AGAP1: variants seen among roughly 807,000 people sequenced by gnomAD.
The protein encoded by AGAP1 is arf-GAP with GTPase, ANK repeat and PH domain-containing protein 1.
AGAP1 carries 29 observed loss-of-function variants against 105.3 expected under a neutral mutation model. The ratio of observed to expected loss-of-function variants is 0.28; its 90% CI spans 0.21 to 0.38. The LOEUF is 0.38. Among genes scored for constraint, AGAP1 ranks in the 10% least tolerant of loss-of-function variants. The probability of loss-of-function intolerance (pLI) is 1.00; values close to 1 mark genes in which losing one functional copy is unlikely to be tolerated. For missense variants in AGAP1, 998 were observed against 1,165.1 expected, an observed-to-expected ratio of 0.86 and a Z score of 2.09; for synonymous variants, 509 against 485.9, an observed-to-expected ratio of 1.05 and a Z score of -0.63.
chr2:235,821,211 T>C (rs1203982088), intron 9 of AGAP1, among the ~76,000 whole-genome samples: 5 of 152,154 alleles, frequency 3.3e-5, no homozygotes, highest in Non-Finnish European at 5.9e-5. Context: ...TACCAGGATG[T>C]ACAGCCATTA....
At chr2:236,023,709 G>C (rs556975411) in intron 13 of AGAP1, among the ~76,000 whole-genome samples, 1 of 152,088 alleles carries the variant, frequency 6.6e-6, no homozygotes, top group Non-Finnish European at 1.5e-5. Flanking sequence ...AAACATGCCC[G>C]TCCCCCAGGC....
intron 13 of AGAP1, among the ~76,000 whole-genome samples, chr2:236,019,830 T>A (rs2056831025): frequency 6.6e-6 from 1 of 152,240 alleles, no homozygotes; most frequent in Non-Finnish European, 1.5e-5. Context: ...TGTTGTGTGT[T>A]TCCTGAAGGA....
intron 10 of AGAP1, among the ~76,000 whole-genome samples, chr2:235,896,111 C>G (rs1056284342): frequency 6.6e-6 from 1 of 152,188 alleles, no homozygotes; most frequent in Admixed American, 6.5e-5. Flanking sequence ...TCCTATCCCC[C>G]CTCCACTCAG....
chr2:235,711,643 T>C lies in AGAP1; in HGVS notation c.222+2406T>C, dbSNP rs937892627. On this transcript the variant is annotated intron_variant, in intron 2 of 17. Coordinates refer to ENST00000304032, the MANE Select transcript of AGAP1 (RefSeq NM_001037131.3). ...ATCCTGGCAGGCCCACCAGCTCTGC[T>C]CTAGCCCAAGTGCCTTCTTGTTGTG... Among the ~76,000 whole-genome samples, 15 of 152,290 alleles carry C rather than the reference T, an allele frequency of 9.8e-5. No homozygotes were observed. The East Asian group carries it at 2.9e-3, about 29-fold the overall frequency.
rs1216864194 is a variant in AGAP1, at chr2:235,663,339, AT to A, written c.164-45839del. ...AAAAAGAAGGGGAGCGATCACGTGC[AT>A]CCCTCTGCTGAGATGGGAGCAGCAG... On this transcript the variant is annotated intron_variant, in intron 1 of 17. Transcript: ENST00000304032. The surrounding 1 kb of genome is among the most constrained non-coding windows in gnomAD (Gnocchi z 5.4). 6.6e-6 allele frequency among the ~76,000 whole-genome samples: 1 copy of A among 152,158 alleles called. No homozygotes were observed. The highest frequency in any genetic ancestry group is 1.9e-4 in the East Asian group (1 of 5,186).
At position 235,614,755 on chromosome 2, in the gene AGAP1, T is replaced by C. The variant is rs899851334; in HGVS notation, c.164-94424T>C. 3.3e-5 allele frequency among the ~76,000 whole-genome samples: 5 copies of C among 152,224 alleles called. No homozygotes were observed. Among genetic ancestry groups the C allele is most frequent in the Non-Finnish European group, 7.3e-5 (5 of 68,034 alleles). Reference sequence around the variant, plus strand: ...ACTCAGTATTCACCGTGAATTCTTTTGTGGGAAATAGAACACAGCGTTGGG... The same window carrying C: ...ACTCAGTATTCACCGTGAATTCTTTCGTGGGAAATAGAACACAGCGTTGGG... On this transcript the variant is annotated intron_variant, in intron 1 of 17. Coordinates refer to ENST00000304032, the MANE Select transcript of AGAP1 (RefSeq NM_001037131.3). The surrounding 1 kb of genome is among the most constrained non-coding windows in gnomAD (Gnocchi z 4.7).
chr2:235,990,481 G>A (rs920562866), intron 13 of AGAP1, among the ~76,000 whole-genome samples: 1 of 152,234 alleles, frequency 6.6e-6, no homozygotes, highest in African/African-American at 2.4e-5. Flanking sequence ...TTTGATGGTT[G>A]ATGCTGCCTG....
At chr2:235,519,454 A>T (rs1942533413) in intron 1 of AGAP1, among the ~76,000 whole-genome samples, 1 of 152,146 alleles carries the variant, frequency 6.6e-6, no homozygotes, top group Non-Finnish European at 1.5e-5. Flanking sequence ...AGAATTTGAG[A>T]CTAAGAGTAT....
At chr2:235,650,104 G>A (rs1310779733) in intron 1 of AGAP1, among the ~76,000 whole-genome samples, 1 of 152,156 alleles carries the variant, frequency 6.6e-6, no homozygotes, top group Non-Finnish European at 1.5e-5. Flanking sequence ...GCTCACGCCT[G>A]AAATCCCAGC....
At chr2:235,695,670 A>G (rs1040558268) in intron 1 of AGAP1, among the ~76,000 whole-genome samples, 3 of 152,216 alleles carry the variant, frequency 2.0e-5, no homozygotes, top group Non-Finnish European at 4.4e-5. Context: ...TCTCTTCCAC[A>G]TCTGAGCTGG....
chr2:235,534,936 A>G (rs1943161824), intron 1 of AGAP1, among the ~76,000 whole-genome samples: 1 of 152,116 alleles, frequency 6.6e-6, no homozygotes, highest in Non-Finnish European at 1.5e-5. Context: ...CATTTTCTGT[A>G]AATAGTGTCA....
At position 235,601,440 on chromosome 2, in the gene AGAP1, C is replaced by T. The variant is rs1025003936; in HGVS notation, c.163+106591C>T. On this transcript the variant is annotated intron_variant, in intron 1 of 17. Transcript: ENST00000304032. The surrounding 1 kb of genome is among the most constrained non-coding windows in gnomAD (Gnocchi z 4.4). ...AAAGGAAAGAAGTTTAACGGACTCA[C>T]AGTTCTACATGGCTGGGGAGGCCTC... Among the ~76,000 whole-genome samples the T allele has an allele frequency of 2.0e-5, 3 of 152,202 alleles. No individual in the cohort carries two copies. Among genetic ancestry groups the T allele is most frequent in the African/African-American group, 4.8e-5 (2 of 41,454 alleles).
intron 6 of AGAP1, among the ~76,000 whole-genome samples, chr2:235,768,923 C>T (rs1453200846): frequency 6.6e-6 from 1 of 152,102 alleles, no homozygotes; most frequent in East Asian, 1.9e-4. Context: ...CACCTGCTGC[C>T]GAAATACAGT....
intron 13 of AGAP1, among the ~76,000 whole-genome samples, chr2:236,022,828 G>A (rs537958797): frequency 8.9e-4 from 135 of 151,992 alleles, no homozygotes; most frequent in African/African-American, 3.0e-3. Context: ...TTGAGCTACC[G>A]CACCCGGTCA....
In AGAP1 at chr2:235,721,574, G is replaced by C. The variant is rs1366656254; in HGVS notation, c.310+3930G>C. On this transcript the variant is annotated intron_variant, in intron 3 of 17. Coordinates refer to ENST00000304032, the MANE Select transcript of AGAP1 (RefSeq NM_001037131.3). The surrounding 1 kb of genome is among the most constrained non-coding windows in gnomAD (Gnocchi z 4.5). ...CTGTAGTAACGAACTGCCACACACA[G>C]TGTGGCTTAAAACAGAAATGTATTC... Among the ~76,000 whole-genome samples the C allele has an allele frequency of 6.6e-6, 1 of 152,218 alleles. No homozygotes were observed. Among genetic ancestry groups the C allele is most frequent in the Admixed American group, 6.5e-5 (1 of 15,286 alleles).
intron 15 of AGAP1, among the ~76,000 whole-genome samples, chr2:236,047,598 C>CTT (rs59007077): frequency 0.037 from 2,538 of 68,310 alleles, 373 homozygotes; most frequent in African/African-American, 0.15. Context: ...TCTCACATTT[C>CTT]TTTTTTTTTT....
rs1948101841 is a variant in AGAP1, at chr2:235,665,612, T to C, written c.164-43567T>C. On this transcript the variant is annotated intron_variant, in intron 1 of 17. Transcript: ENST00000304032. This position sits in a 1 kb window ranked among gnomAD's most constrained non-coding sequence, Gnocchi z 5.3. ...GAGTCTTATGCTAAAAATATAAAAG[T>C]ATTAATAAGACGTTACTGTCTTGGT... Among the ~76,000 whole-genome samples, 1 of 152,186 alleles carries C rather than the reference T, an allele frequency of 6.6e-6. No homozygotes were observed.
Position 235,608,206 on chromosome 2 carries a change from C to T in AGAP1, c.164-100973C>T, listed in dbSNP as rs1946011223. 6.6e-6 allele frequency among the ~76,000 whole-genome samples: 1 copy of T among 152,218 alleles called. No individual in the cohort carries two copies. The highest frequency in any genetic ancestry group is 1.5e-5 in the Non-Finnish European group (1 of 68,044). ...CAGCATCTCTTCTCTGCTTGGCCCA[C>T]GTCTAGCAGTTCTTCTTCATCTTGC... is the stretch of plus-strand genomic sequence containing the variant. On this transcript the variant is annotated intron_variant, in intron 1 of 17. Transcript: ENST00000304032. This position sits in a 1 kb window ranked among gnomAD's most constrained non-coding sequence, Gnocchi z 5.4.
Position 235,740,863 on chromosome 2 carries a change from A to G in AGAP1, c.311-100A>G. 1 of 1,415,630 alleles carries G rather than the reference A, an allele frequency of 7.1e-7. No homozygotes were observed. Among genetic ancestry groups the G allele is most frequent in the East Asian group, 2.3e-5 (1 of 43,246 alleles). The allele number at this position is 1,415,630 out of a possible 1,614,324, so 87.7% of individuals were successfully genotyped here. On this transcript the variant is annotated intron_variant, in intron 3 of 17. Transcript: ENST00000304032. This position sits in a 1 kb window ranked among gnomAD's most constrained non-coding sequence, Gnocchi z 5.7. ...TAAATACTCAGTTGCCTCCAGGGCG[A>G]CAGCCTAGGGTGTATTTTTCCACAA...
Sources: allele counts gnomAD v4.1 joint callset (sites outside exome capture counted in the v4.1 genomes callset), GRCh38; gene constraint gnomAD v4.1.1; non-coding constraint Gnocchi (gnomAD v3.1); transcripts MANE v1.5; gene names NCBI Gene and HGNC (gene_info 2026-07-23, HGNC 2026-07-21).